The following CDH23 variants were observed in gnomAD, a reference collection of about 807,000 sequenced individuals.
The protein encoded by CDH23 is cadherin related 23, also known as cadherin-23.
Under a neutral mutation model 317.1 loss-of-function variants are expected in CDH23, and 189 were observed. The ratio of observed to expected loss-of-function variants is 0.60; its 90% confidence interval spans 0.53 to 0.67. The LOEUF (loss-of-function observed/expected upper bound fraction) is 0.67, where lower values mean the gene tolerates loss of function less well. Ranked by LOEUF, CDH23 falls within the 30% of genes least tolerant of loss-of-function variation. The pLI, the probability that CDH23 is intolerant of heterozygous loss-of-function variation, is 0.00. For missense variants in CDH23, 4,401 were observed against 4,592.4 expected, an observed-to-expected ratio of 0.96 and a Z score of 1.20; for synonymous variants, 1,839 against 1,876.8, an observed-to-expected ratio of 0.98 and a Z score of 0.52.
At chr10:71,782,273 A>C (rs1346254404) in intron 41 of CDH23, among the ~76,000 whole-genome samples, 1 of 152,056 alleles carries the variant, frequency 6.6e-6, no homozygotes, top group Non-Finnish European at 1.5e-5. Context: ...CCCCTTTCCT[A>C]CATCCTCACC....
At chr10:71,548,149 G>A (rs1340247580) in intron 6 of CDH23, among the ~76,000 whole-genome samples, 2 of 152,224 alleles carry the variant, frequency 1.3e-5, no homozygotes, top group Non-Finnish European at 2.9e-5. Flanking sequence ...GGGAGGGCTG[G>A]GATTGGGGAG....
intron 38 of CDH23, among the ~76,000 whole-genome samples, chr10:71,742,453 C>T (rs1362848581): frequency 6.6e-6 from 1 of 152,208 alleles, no homozygotes; most frequent in Non-Finnish European, 1.5e-5. Flanking sequence ...CACCACTGCC[C>T]AAGGCAATGT....
At chr10:71,764,920 C>T (rs1023882906) in intron 38 of CDH23, among the ~76,000 whole-genome samples, 4 of 152,222 alleles carry the variant, frequency 2.6e-5, no homozygotes, top group Non-Finnish European at 5.9e-5. Context: ...ACTGCCCTTA[C>T]CCCTGCAGCA....
intron 1 of CDH23, among the ~76,000 whole-genome samples, chr10:71,431,564 A>G (rs912908287): frequency 5.3e-5 from 8 of 152,240 alleles, no homozygotes; most frequent in African/African-American, 1.7e-4. Flanking sequence ...GTGGTGAATA[A>G]TCACCAAATT....
intron 3 of CDH23, among the ~76,000 whole-genome samples, chr10:71,484,334 C>G (rs929059688): frequency 6.6e-6 from 1 of 152,258 alleles, no homozygotes; most frequent in Non-Finnish European, 1.5e-5. Flanking sequence ...GTACCGTCCT[C>G]TCTCTTCCTC....
intron 40 of CDH23, 38 bp downstream of exon 40, chr10:71,778,346 G>A (rs922974367): frequency 2.5e-6 from 4 of 1,612,330 alleles, no homozygotes; most frequent in South Asian, 1.1e-5. Flanking sequence ...TGGGCTTGGA[G>A]GTTGGCGAAG....
At chr10:71,726,004 C>T (rs958264443) in intron 30 of CDH23, among the ~76,000 whole-genome samples, 1 of 151,548 alleles carries the variant, frequency 6.6e-6, no homozygotes, top group Admixed American at 6.6e-5. Context: ...AGTCACCTCT[C>T]CCAGCTGCCT....
In CDH23 at chr10:71,811,657, A is replaced by C; in HGVS notation, c.9279-56A>C. On this transcript the variant is annotated intron_variant, in intron 64 of 69. Coordinates refer to ENST00000224721, the MANE Select transcript of CDH23 (RefSeq NM_022124.6). ...GCTCCCGGATGGCCACGAGGCAGGC[A>C]GGGCCTGAGACGTCAGCTTGGCCCC... The C allele has an allele frequency of 8.1e-6, 13 of 1,613,740 alleles. 1 individual carries two copies. The African/African-American group carries it at 1.3e-4, about 17-fold the overall frequency.
chr10:71,793,192 C>A lies in CDH23; in HGVS notation c.6264C>A (p.Val2088=), dbSNP rs727504898. The part of the protein sequence containing the change: ...LLENCPPGFS[V]LQVTATDEDS... ...TTCCCTCTCCAACAGGATTCTCAGT[C>A]CTTCAAGTCACAGCCACAGATGAGG... Residue 2088 remains valine (V), a synonymous_variant, in exon 48 of 70, where the codon GTC becomes GTA. Transcript: ENST00000224721. 4.6e-5 allele frequency: 74 copies of A among 1,611,378 alleles called. No homozygotes were observed. The highest frequency in any genetic ancestry group is 5.9e-5 in the Non-Finnish European group (70 of 1,178,250).
chr10:71,459,085 C>CTTTTTTTTTTTTTT (rs372627407), intron 3 of CDH23, among the ~76,000 whole-genome samples: 1 of 102,600 alleles, frequency 9.7e-6, no homozygotes, highest in Non-Finnish European at 1.9e-5. Flanking sequence ...CACACCTGGC[C>CTTTTTTTTTTTTTT]TTTTTTTTTT....
At chr10:71,792,545 C>A (rs1435575396) in intron 47 of CDH23, among the ~76,000 whole-genome samples, 3 of 151,900 alleles carry the variant, frequency 2.0e-5, no homozygotes, top group Non-Finnish European at 4.4e-5. Context: ...TTGTCTTGGT[C>A]CAGGCGAGGT....
chr10:71,492,100 T>C (rs1014989621), intron 3 of CDH23, among the ~76,000 whole-genome samples: 2 of 152,120 alleles, frequency 1.3e-5, no homozygotes, highest in African/African-American at 4.8e-5. Flanking sequence ...GTGAAATTAC[T>C]CGATGTTCAG....
Position 71,793,601 on chromosome 10 carries a change from C to A in CDH23, c.6673C>A (p.Pro2225Thr). ...CAAGGACGACACTGATCGCCTGGTG[C>A]CCAACCAGGAGGACGCCTTTGCTGT... ...VAKDDTDRLV[P>T]NQEDAFAVNI... is the part of the protein sequence containing the mutation. Residue 2225 changes from proline (P) to threonine (T), a missense_variant, in exon 48 of 70, where the codon CCC becomes ACC. Around this residue, in one of 3 missense-constraint regions of CDH23, gnomAD observed 3,068 missense variants for 3,203.3 expected, o/e 0.96. Transcript: ENST00000224721. 3 of 1,606,442 alleles carry A rather than the reference C, an allele frequency of 1.9e-6. No homozygotes were observed. The highest frequency in any genetic ancestry group is 3.3e-5 in the Admixed American group (2 of 59,838).
intron 47 of CDH23, 79 bp downstream of exon 47, chr10:71,791,414 C>T (rs1044722654): frequency 1.5e-6 from 2 of 1,308,350 alleles, no homozygotes; most frequent in Admixed American, 2.0e-5. Context: ...TCAGGTTGGA[C>T]ACGGAGTTTG....
rs1325941288 is a variant in CDH23 at position 71,439,870 on chromosome 10, G to T, written c.39G>T (p.Trp13Cys). 3.2e-6 allele frequency: 5 copies of T among 1,575,258 alleles called. No individual in the cohort carries two copies. In the Admixed American group the frequency reaches 7.3e-5, roughly 23 times the overall value. Residue 13 changes from tryptophan (W) to cysteine (C), a missense_variant, in exon 2 of 70, where the codon TGG becomes TGT. By Grantham distance (215) the Trp-to-Cys change is radical. Coordinates refer to ENST00000224721, the MANE Select transcript of CDH23 (RefSeq NM_022124.6). ...TTGCCACCAGCTGCCACGTGGCCTGGCTTTTGGTGCTGATCTCTGGATGCT... is the reference window on the plus strand; with the variant it reads ...TTGCCACCAGCTGCCACGTGGCCTGTCTTTTGGTGCTGATCTCTGGATGCT... ...RHVATSCHVA[W>C]LLVLISGCWG... is the part of the protein sequence containing the mutation.
chr10:71,571,800 A>G (rs1490479805), intron 8 of CDH23, among the ~76,000 whole-genome samples: 1 of 152,246 alleles, frequency 6.6e-6, no homozygotes, highest in Non-Finnish European at 1.5e-5. Context: ...GTGTGCTTAA[A>G]GGAAGGACTC....
intron 29 of CDH23, 116 bp downstream of exon 29, chr10:71,724,221 C>A: frequency 1.8e-6 from 2 of 1,090,202 alleles, no homozygotes; most frequent in Non-Finnish European, 2.7e-6. Context: ...GGGCCATATA[C>A]ATGGGGCGAG....
intron 14 of CDH23, among the ~76,000 whole-genome samples, chr10:71,669,546 C>T (rs1010957733): frequency 6.6e-6 from 1 of 151,684 alleles, no homozygotes; most frequent in Non-Finnish European, 1.5e-5. Flanking sequence ...CTCCCGGGTT[C>T]AAGCGATTCT....
chr10:71,555,749 A>T (rs903462895), intron 6 of CDH23, among the ~76,000 whole-genome samples: 27 of 152,224 alleles, frequency 1.8e-4, no homozygotes, highest in Middle Eastern at 3.2e-3. Flanking sequence ...AATAGGAAGG[A>T]GCTGGGGCTG....
Sources: allele counts gnomAD v4.1 joint callset (sites outside exome capture counted in the v4.1 genomes callset), GRCh38; gene constraint gnomAD v4.1.1; regional missense constraint gnomAD v4.1.1; transcripts MANE v1.5; gene names NCBI Gene and HGNC (gene_info 2026-07-23, HGNC 2026-07-21).